The following HMGB1 variants were observed in gnomAD, a reference collection of about 807,000 sequenced individuals.
The protein encoded by HMGB1 is high mobility group protein B1.
For missense variants in HMGB1, 79 were observed against 253.5 expected (o/e 0.31, Z 4.67); for synonymous variants, 81 against 84.0 (o/e 0.96, Z 0.19).
At chr13:30,519,821 T>C (rs1023889786) in intron 1 of HMGB1, among the ~76,000 whole-genome samples, 2 of 152,206 alleles carry the variant, frequency 1.3e-5, no homozygotes, top group Admixed American at 6.5e-5. Context: ...TGTAAGCCCA[T>C]TGATGCAGCA....
intron 1 of HMGB1, among the ~76,000 whole-genome samples, chr13:30,590,319 A>G (rs1052649564): frequency 6.6e-6 from 1 of 151,998 alleles, no homozygotes; most frequent in Non-Finnish European, 1.5e-5. Context: ...TTTATTTTTA[A>G]ATTTTAATCT....
chr13:30,572,229 C>T (rs1870467114), intron 1 of HMGB1, among the ~76,000 whole-genome samples: 1 of 152,158 alleles, frequency 6.6e-6, no homozygotes, highest in Non-Finnish European at 1.5e-5. Flanking sequence ...TACCTTTCTT[C>T]CCCCACACAT....
intron 1 of HMGB1, among the ~76,000 whole-genome samples, chr13:30,613,472 G>A (rs1950531540): frequency 6.6e-6 from 1 of 152,158 alleles, no homozygotes; most frequent in Admixed American, 6.5e-5. Context: ...AGCATGAGCT[G>A]GAAAGAACAA....
chr13:30,486,516 T>G (rs1303763374), intron 1 of HMGB1, among the ~76,000 whole-genome samples: 7 of 152,206 alleles, frequency 4.6e-5, no homozygotes, highest in African/African-American at 1.7e-4. Flanking sequence ...GTAGTCTGAA[T>G]GCTTAGTATC....
chr13:30,564,152 G>C (rs1289960580), intron 1 of HMGB1, among the ~76,000 whole-genome samples: 2 of 151,930 alleles, frequency 1.3e-5, no homozygotes, highest in African/African-American at 4.8e-5. Flanking sequence ...CTAACCATGA[G>C]CCACGTGCAG....
chr13:30,471,054 C>G (rs1886912149), intron 1 of HMGB1, among the ~76,000 whole-genome samples: 1 of 152,212 alleles, frequency 6.6e-6, no homozygotes, highest in East Asian at 1.9e-4. Context: ...TCTCAGCTCA[C>G]TGCGACCTCC....
chr13:30,527,147 C>G (rs760599304), intron 1 of HMGB1, among the ~76,000 whole-genome samples: 1 of 152,260 alleles, frequency 6.6e-6, no homozygotes, highest in African/African-American at 2.4e-5. Context: ...TGAACCTTCT[C>G]TCTCCAGGGA....
chr13:30,492,994 C>CAAAAA (rs1022752871), intron 1 of HMGB1, among the ~76,000 whole-genome samples: 1 of 40,424 alleles, frequency 2.5e-5, no homozygotes, highest in Non-Finnish European at 4.8e-5. Flanking sequence ...GACTACATCT[C>CAAAAA]AAAAAAAAAA....
At chr13:30,566,635 C>G (rs1025979866) in intron 1 of HMGB1, among the ~76,000 whole-genome samples, 1 of 152,168 alleles carries the variant, frequency 6.6e-6, no homozygotes, top group Non-Finnish European at 1.5e-5. Context: ...AATGATATCT[C>G]GATCCAATTT....
At chr13:30,499,632 A>C (rs997803312) in intron 1 of HMGB1, among the ~76,000 whole-genome samples, 3 of 152,244 alleles carry the variant, frequency 2.0e-5, no homozygotes, top group African/African-American at 7.2e-5. Context: ...GCAGAAGCAC[A>C]AAGTATGAGA....
At chr13:30,586,398 T>C (rs753210016) in intron 1 of HMGB1, among the ~76,000 whole-genome samples, 1 of 151,948 alleles carries the variant, frequency 6.6e-6, no homozygotes, top group Non-Finnish European at 1.5e-5. Context: ...CTCCCCTTAC[T>C]GTACTGCTCC....
upstream of HMGB1, among the ~76,000 whole-genome samples, chr13:30,467,692 GTCTTA>G (rs1390088278): frequency 1.3e-5 from 2 of 151,972 alleles, no homozygotes; most frequent in African/African-American, 2.4e-5. Context: ...TTTCAATACT[GTCTTA>G]TCTTCTCAAT....
intron 1 of HMGB1, among the ~76,000 whole-genome samples, chr13:30,526,766 G>A (rs1285107675): frequency 6.6e-6 from 1 of 152,194 alleles, no homozygotes; most frequent in Admixed American, 6.5e-5. Context: ...AGGGGCCTCT[G>A]CCCTCTGTCG....
At chr13:30,475,294 A>G (rs1418663624) in intron 1 of HMGB1, among the ~76,000 whole-genome samples, 8 of 144,106 alleles carry the variant, frequency 5.6e-5, no homozygotes, top group Admixed American at 4.3e-4. Context: ...GGCTCACTGC[A>G]GTCTCCTCCC....
Position 30,609,415 on chromosome 13 carries a change from C to G in HMGB1, c.-15+7256G>C, listed in dbSNP as rs561684393. 1.1e-3 allele frequency among the ~76,000 whole-genome samples: 173 copies of G among 152,286 alleles called. 1 individual carries two copies. Among genetic ancestry groups the G allele is most frequent in the Non-Finnish European group, 1.9e-3 (132 of 68,020 alleles). The stretch of plus-strand genomic sequence containing the variant: ...CAAGCAGCTGCAGTTTTAACAAGTT[C>G]CCAATATATAGTTGACCCCTGAACA... On this transcript the variant is annotated intron_variant, in intron 1 of 4. Coordinates refer to the HMGB1 transcript ENST00000405805.
At chr13:30,464,736 C>T (rs1886622773) in intron 1 of HMGB1, 7 of 605,324 alleles carry the variant, frequency 1.2e-5, no homozygotes, top group Non-Finnish European at 1.4e-5. Flanking sequence ...AGGGCGAGCG[C>T]GAGCGAGAAT....
chr13:30,544,914 G>A (rs1869077885), intron 1 of HMGB1, among the ~76,000 whole-genome samples: 1 of 152,124 alleles, frequency 6.6e-6, no homozygotes, highest in Non-Finnish European at 1.5e-5. Flanking sequence ...GTGCTCTGTT[G>A]GAATTCAGGT....
chr13:30,507,840 T>C (rs1278490011), intron 1 of HMGB1, among the ~76,000 whole-genome samples: 1 of 151,950 alleles, frequency 6.6e-6, no homozygotes, highest in Admixed American at 6.6e-5. Context: ...CATAAAATTT[T>C]AAAAAATTAG....
At chr13:30,601,128 A>T (rs1443858753) in intron 1 of HMGB1, among the ~76,000 whole-genome samples, 1 of 152,140 alleles carries the variant, frequency 6.6e-6, no homozygotes, top group East Asian at 1.9e-4. Context: ...CCCCACCCTT[A>T]AGAAGGTTCT....
Sources: allele counts gnomAD v4.1 joint callset (sites outside exome capture counted in the v4.1 genomes callset), GRCh38; gene constraint gnomAD v4.1.1; transcripts MANE v1.5; gene names NCBI Gene and HGNC (gene_info 2026-07-23, HGNC 2026-07-21).